Variants in MED29 observed in about 807,000 individuals in gnomAD.
MED29 encodes the protein mediator complex subunit 29.
A neutral mutation model predicts 22.0 loss-of-function variants in MED29; 14 were observed. That is an observed-to-expected ratio of 0.64 (90% confidence interval 0.42 to 0.99). The LOEUF is 0.99. Ranked by LOEUF, MED29 falls within the 50% of genes least tolerant of loss-of-function variation. The probability of loss-of-function intolerance (pLI) is 0.00; values close to 1 mark genes in which losing one functional copy is unlikely to be tolerated. For missense variants in MED29, 241 were observed against 253.7 expected (o/e 0.95, Z 0.34); for synonymous variants, 123 against 107.8 (o/e 1.14, Z -0.87).
In MED29 at chr19:39,391,475, C is replaced by T. The variant is rs778407698; in HGVS notation, c.53C>T (p.Ser18Leu). Reference sequence around the variant, plus strand: ...GCGGCTTCCTCAGCTGCTGGTGTATCGGGTCCTAGTTCGGCTGGCGGCCCG... The same window carrying T: ...GCGGCTTCCTCAGCTGCTGGTGTATTGGGTCCTAGTTCGGCTGGCGGCCCG... The part of the protein sequence containing the change: ...ASAASSAAGV[S>L]GPSSAGGPGP... The change falls in exon 1 of 4, where the codon TCG becomes TTG. Residue 18 changes from serine (S) to leucine (L), a missense_variant. Physicochemically the swap from Ser to Leu is moderately radical, Grantham distance 145 (BLOSUM62 -2). Coordinates refer to ENST00000315588, the MANE Select transcript of MED29 (RefSeq NM_017592.4). 42 of 1,613,430 alleles carry T rather than the reference C, an allele frequency of 2.6e-5. No individual in the cohort carries two copies. The South Asian group carries it at 4.0e-4, about 15-fold the overall frequency.
At position 39,391,384 on chromosome 19, in the gene MED29, C is replaced by T. The variant is rs777259349; in HGVS notation, c.-39C>T. The T allele has an allele frequency of 2.3e-5, 37 of 1,600,536 alleles. No homozygotes were observed. In the South Asian group the frequency reaches 3.3e-4, roughly 14 times the overall value. ...GATGCTGAAAAGCAACGGGGAGAGA[C>T]GCAGTCGTAACGCACTTCCGGCGGT... On this transcript the variant is annotated 5_prime_UTR_variant, in exon 1 of 4. It adds an upstream start codon to the 5' untranslated region. Coordinates refer to ENST00000315588, the MANE Select transcript of MED29 (RefSeq NM_017592.4).
At chr19:39,397,293 C>T (rs927287777) in intron 3 of MED29, among the ~76,000 whole-genome samples, 164 bp from the exon 4 acceptor site, 16 of 152,176 alleles carry the variant, frequency 1.1e-4, no homozygotes, top group South Asian at 2.1e-4. Context: ...GAAGAGTAGC[C>T]GCCATGCCCC....
Position 39,397,881 on chromosome 19 carries a change from C to T in MED29, c.*182C>T. ...AGGCCGGGCCCCTGCGTCCCTGCCC[C>T]TTCTTCCTGCTCCCCCTCCTAGCCT... is the stretch of plus-strand genomic sequence containing the variant. On this transcript the variant is annotated 3_prime_UTR_variant, in exon 4 of 4. Transcript: ENST00000315588. 1.1e-6 allele frequency: 1 copy of T among 951,510 alleles called. No individual in the cohort carries two copies. Among genetic ancestry groups the T allele is most frequent in the Non-Finnish European group, 1.5e-6 (1 of 655,444 alleles). The allele number at this position is 951,510 out of a possible 1,614,324, so 58.9% of individuals were successfully genotyped here. A position where few individuals can be genotyped will look rare whatever the true frequency, so the allele number is the denominator to read the frequency against.
rs576710426 is a variant in MED29, at chr19:39,398,931, G to A, written c.*1232G>A. ...CCAAGTCCCCACACTGGAAAACTGG[G>A]AAATGGCCAGCTGTGTGTCCCAGGA... is the stretch of plus-strand genomic sequence containing the variant. On this transcript the variant is annotated 3_prime_UTR_variant, in exon 4 of 4. Transcript: ENST00000315588. 22 of 152,354 alleles carry A rather than the reference G, an allele frequency of 1.4e-4. No homozygotes were observed. The highest frequency in any genetic ancestry group is 4.8e-4 in the African/African-American group (20 of 41,562). 9.4% of individuals were successfully genotyped at this position (152,354 alleles called of 1,614,324 possible).
Position 39,391,546 on chromosome 19 carries a change from G to T in MED29, c.124G>T (p.Ala42Ser), listed in dbSNP as rs1192042932. ...PQPPAQLVGP[A>S]QSGLLQQQQQ... ...ACCGCCAGCACAACTGGTGGGCCCTGCCCAGAGCGGCCTCCTGCAGCAACA... is the reference window on the plus strand; with the variant it reads ...ACCGCCAGCACAACTGGTGGGCCCTTCCCAGAGCGGCCTCCTGCAGCAACA... Residue 42 changes from alanine to serine, a missense_variant, in exon 1 of 4, where the codon GCC (alanine) becomes TCC (serine). Ala to Ser is a moderately conservative substitution (Grantham distance 99, BLOSUM62 1). Transcript: ENST00000315588. 1 of 1,613,744 alleles carries T rather than the reference G, an allele frequency of 6.2e-7. No individual in the cohort carries two copies. Among genetic ancestry groups the T allele is most frequent in the Middle Eastern group, 1.6e-4 (1 of 6,062 alleles).
intron 3 of MED29, among the ~76,000 whole-genome samples, chr19:39,396,739 A>T (rs908769050): frequency 1.1e-4 from 16 of 149,150 alleles, no homozygotes; most frequent in African/African-American, 4.0e-4. Context: ...AGAAAAAAAA[A>T]AAAGCCTGGG....
intron 1 of MED29, 136 bp downstream of exon 1, chr19:39,391,774 C>T: frequency 9.2e-7 from 1 of 1,088,484 alleles, no homozygotes; most frequent in Non-Finnish European, 1.3e-6. Flanking sequence ...TGGTGCACGC[C>T]TGTGTTCCCA....
chr19:39,394,960 A>C (rs2078420399), intron 3 of MED29, among the ~76,000 whole-genome samples: 1 of 129,774 alleles, frequency 7.7e-6, no homozygotes, highest in African/African-American at 3.3e-5. Context: ...TCCTGGGCTG[A>C]AGTGATCCTC....
At position 39,391,544 on chromosome 19, in the gene MED29, C is replaced by G; in HGVS notation, c.122C>G (p.Pro41Arg). 6.2e-7 allele frequency: 1 copy of G among 1,613,770 alleles called. No individual in the cohort carries two copies. Among genetic ancestry groups the G allele is most frequent in the African/African-American group, 1.3e-5 (1 of 75,062 alleles). ...CAACCGCCAGCACAACTGGTGGGCC[C>G]TGCCCAGAGCGGCCTCCTGCAGCAA... is the stretch of plus-strand genomic sequence containing the variant. ...QPQPPAQLVG[P>R]AQSGLLQQQQ... is the part of the protein sequence containing the mutation. Residue 41 changes from proline (P) to arginine (R), a missense_variant, in exon 1 of 4, where the codon CCT becomes CGT. By Grantham distance (103) the Pro-to-Arg change is moderately radical. Transcript: ENST00000315588.
chr19:39,397,065 A>C (rs1352921628), intron 3 of MED29, among the ~76,000 whole-genome samples: 1 of 151,656 alleles, frequency 6.6e-6, no homozygotes. Flanking sequence ...GAGCAGCCAG[A>C]GAAGCAGGCA....
At chr19:39,393,709 C>A in intron 3 of MED29, 72 bp downstream of exon 3, 2 of 1,294,058 alleles carry the variant, frequency 1.5e-6, no homozygotes, top group South Asian at 1.2e-5. Context: ...AACAGTCAGT[C>A]AGTCAACTCA....
intron 2 of MED29, 101 bp downstream of exon 2, chr19:39,392,623 A>AATTTTTT: frequency 1.6e-6 from 1 of 619,052 alleles, no homozygotes; most frequent in Non-Finnish European, 2.2e-6. Context: ...TTCTATATTT[A>AATTTTTT]CTTTTTTTTT....
At chr19:39,393,338 T>C (rs1341275415) in intron 2 of MED29, among the ~76,000 whole-genome samples, 2 of 151,784 alleles carry the variant, frequency 1.3e-5, no homozygotes, top group African/African-American at 2.4e-5. Flanking sequence ...TCAGGTGATC[T>C]GCTCGCCTCG....
At position 39,398,821 on chromosome 19, in the gene MED29, T is replaced by G. The variant is rs1409191917; in HGVS notation, c.*1122T>G. 6.6e-6 allele frequency: 1 copy of G among 152,258 alleles called. No individual in the cohort carries two copies. Among genetic ancestry groups the G allele is most frequent in the Non-Finnish European group, 1.5e-5 (1 of 68,086 alleles). 9.4% of individuals were successfully genotyped at this position (152,258 alleles called of 1,614,324 possible). ...TATCTTCTGTGCCATGGTTCCCACA[T>G]TCGCACTCCATGGCCTCCTGTCCTG... On this transcript the variant is annotated 3_prime_UTR_variant, in exon 4 of 4. Coordinates refer to ENST00000315588, the MANE Select transcript of MED29 (RefSeq NM_017592.4).
rs914592955 is a variant in MED29 at position 39,398,111 on chromosome 19, C to A, written c.*412C>A. 2.7e-6 allele frequency: 1 copy of A among 375,630 alleles called. No individual in the cohort carries two copies. Among genetic ancestry groups the A allele is most frequent in the Non-Finnish European group, 4.9e-6 (1 of 206,034 alleles). The allele number at this position is 375,630 out of a possible 1,614,324, so 23.3% of individuals were successfully genotyped here. ...CATCCTGTCTCTTTTTCCCTTGTTT[C>A]TCTGTTCCTGTTAATGTGTTTCTCC... is the stretch of plus-strand genomic sequence containing the variant. On this transcript the variant is annotated 3_prime_UTR_variant, in exon 4 of 4. Transcript: ENST00000315588.
chr19:39,393,081 C>CTTTTTTTTT lies in MED29; in HGVS notation c.276-448_276-440dup, dbSNP rs142198224. ...TTTTCTTTCTTTCTTTCTTTCTTTT[C>CTTTTTTTTT]TTTTTTTTTTTTTTTTTTTTTTTTT... On this transcript the variant is annotated intron_variant, in intron 2 of 3. Transcript: ENST00000315588. Among the ~76,000 whole-genome samples, 116 of 34,718 alleles carry CTTTTTTTTT rather than the reference C, an allele frequency of 3.3e-3. 1 individual carries two copies. The highest frequency in any genetic ancestry group is 8.2e-3 in the East Asian group (6 of 734). The allele number at this position is 34,718 out of a possible 152,430, so 22.8% of individuals were successfully genotyped here.
chr19:39,392,596 T>G, intron 2 of MED29, 74 bp downstream of exon 2: 6 of 1,182,564 alleles, frequency 5.1e-6, no homozygotes, highest in Non-Finnish European at 7.4e-6. Flanking sequence ...CTTCTCCTGC[T>G]CCCCGCCCAC....
In MED29 at chr19:39,391,619, A is replaced by C; in HGVS notation, c.197A>C (p.Gln66Pro). ...CAGCGTTATAAGATGCTCATCCCGC[A>C]GCTGAAGGAGAGTCTACAGGTGATT... Reference protein sequence around the residue: ...PVQRYKMLIPQLKESLQTLMK... With the variant: ...PVQRYKMLIPPLKESLQTLMK... Residue 66 changes from glutamine to proline, a missense_variant, in exon 1 of 4, where the codon CAG becomes CCG. Coordinates refer to ENST00000315588, the MANE Select transcript of MED29 (RefSeq NM_017592.4). The C allele has an allele frequency of 6.2e-7, 1 of 1,604,544 alleles. No homozygotes were observed. Among genetic ancestry groups the C allele is most frequent in the Non-Finnish European group, 8.5e-7 (1 of 1,174,576 alleles).
chr19:39,395,685 G>A (rs963352867), intron 3 of MED29, among the ~76,000 whole-genome samples: 4 of 152,184 alleles, frequency 2.6e-5, no homozygotes, highest in Admixed American at 1.3e-4. Context: ...TTGGGAGGCC[G>A]AGGCAGGCGG....
Sources: allele counts gnomAD v4.1 joint callset (sites outside exome capture counted in the v4.1 genomes callset), GRCh38; gene constraint gnomAD v4.1.1; transcripts MANE v1.5; gene names NCBI Gene and HGNC (gene_info 2026-07-23, HGNC 2026-07-21).